The following ADGRL3 variants were observed in gnomAD, a reference collection of about 807,000 sequenced individuals.
ADGRL3 encodes the protein calcium-independent alpha-latrotoxin receptor 3.
Under a neutral mutation model 153.5 loss-of-function variants are expected in ADGRL3, and 62 were observed. The observed-to-expected ratio is 0.40, with a 90% CI of 0.33 to 0.50. The LOEUF is 0.50. Ranked by LOEUF, ADGRL3 falls within the 20% of genes least tolerant of loss-of-function variation. The pLI, the probability that ADGRL3 is intolerant of heterozygous loss-of-function variation, is 0.47. For synonymous variants in ADGRL3, 710 were observed against 672.5 expected (o/e 1.06, Z -0.86); for missense variants, 1,641 against 1,859.4 (o/e 0.88, Z 2.16).
chr4:61,719,542 A>G (rs920905401), intron 6 of ADGRL3, among the ~76,000 whole-genome samples: 1 of 151,720 alleles, frequency 6.6e-6, no homozygotes, highest in Non-Finnish European at 1.5e-5. Context: ...TTTTATGTGT[A>G]CCACTTTCTT....
chr4:61,665,427 A>G (rs2094757341), intron 5 of ADGRL3, among the ~76,000 whole-genome samples: 1 of 152,062 alleles, frequency 6.6e-6, no homozygotes, highest in Non-Finnish European at 1.5e-5. Context: ...AAACGAAAAC[A>G]AAAACAAACA....
intron 2 of ADGRL3, among the ~76,000 whole-genome samples, chr4:61,485,145 T>A (rs758492185): frequency 1.8e-4 from 28 of 152,156 alleles, no homozygotes; most frequent in Non-Finnish European, 3.8e-4. Context: ...GAAAGGTGCT[T>A]AATTTGAGAC....
At chr4:61,845,375 G>C (rs1297629386) in intron 9 of ADGRL3, among the ~76,000 whole-genome samples, 1 of 150,862 alleles carries the variant, frequency 6.6e-6, no homozygotes, top group Non-Finnish European at 1.5e-5. Flanking sequence ...TTTGAGACAG[G>C]ACCTTGCTCT....
intron 3 of ADGRL3, among the ~76,000 whole-genome samples, chr4:61,502,483 TG>T (rs2098397390): frequency 1.3e-5 from 1 of 76,888 alleles, no homozygotes; most frequent in Admixed American, 1.1e-4. Flanking sequence ...AGCTTATACA[TG>T]TTTTTTTTTT....
intron 8 of ADGRL3, among the ~76,000 whole-genome samples, chr4:61,802,123 G>A (rs1451370891): frequency 1.3e-5 from 2 of 152,144 alleles, no homozygotes; most frequent in Non-Finnish European, 2.9e-5. Context: ...TGAATTATAT[G>A]TGGCTGAATT....
intron 1 of ADGRL3, among the ~76,000 whole-genome samples, chr4:61,270,385 A>G (rs539216131): frequency 8.5e-4 from 129 of 151,744 alleles, no homozygotes; most frequent in Non-Finnish European, 1.4e-3. Context: ...ATTTCAGAGA[A>G]TTTTACTTGT....
In ADGRL3 at chr4:61,811,430, G is replaced by A. The variant is rs535842444; in HGVS notation, c.1400-2379G>A. On this transcript the variant is annotated intron_variant, in intron 8 of 26. Coordinates refer to ENST00000683033, the MANE Select transcript of ADGRL3 (RefSeq NM_001387552.1). ...TCATTTATAGGAAAAGTCCAGAATA[G>A]GCAAATCTACAGAAACAGAAGGTAG... Among the ~76,000 whole-genome samples, 259 of 151,980 alleles carry A rather than the reference G, an allele frequency of 1.7e-3. 1 individual carries two copies. Among genetic ancestry groups the A allele is most frequent in the Non-Finnish European group, 3.2e-3 (214 of 67,930 alleles).
chr4:61,510,187 T>C (rs1258568796), intron 3 of ADGRL3, among the ~76,000 whole-genome samples: 1 of 152,212 alleles, frequency 6.6e-6, no homozygotes, highest in East Asian at 1.9e-4. Context: ...AGTTTGCAAA[T>C]ATTTTCTCTC....
In ADGRL3 at chr4:61,736,408, C is replaced by A. The variant is rs150477949; in HGVS notation, c.1399+2854C>A. ...GTGGCTCTTGCCTGTAATCCCAGCA[C>A]TTTGGGAGGGCAAGGCGGGCATATC... On this transcript the variant is annotated intron_variant, in intron 8 of 26. Coordinates refer to ENST00000683033, the MANE Select transcript of ADGRL3 (RefSeq NM_001387552.1). Among the ~76,000 whole-genome samples, 463 of 152,250 alleles carry A rather than the reference C, an allele frequency of 3.0e-3. 2 individuals carry two copies. The highest frequency in any genetic ancestry group is 0.011 in the African/African-American group (447 of 41,544).
chr4:61,431,973 G>C (rs1197291338), intron 2 of ADGRL3, among the ~76,000 whole-genome samples: 1 of 152,100 alleles, frequency 6.6e-6, no homozygotes, highest in East Asian at 1.9e-4. Context: ...ATTGTGTTCA[G>C]CAAAGAGTAA....
At chr4:61,475,406 G>A (rs771346835) in intron 2 of ADGRL3, among the ~76,000 whole-genome samples, 3 of 152,006 alleles carry the variant, frequency 2.0e-5, no homozygotes, top group Non-Finnish European at 2.9e-5. Flanking sequence ...AGATTTATGG[G>A]GTTTTTTTCC....
At chr4:61,448,710 A>G (rs369055428) in intron 2 of ADGRL3, among the ~76,000 whole-genome samples, 2 of 20,554 alleles carry the variant, frequency 9.7e-5, no homozygotes, top group South Asian at 4.6e-3. Context: ...GAAGGAAAGA[A>G]AGAAGGAAGG....
intron 1 of ADGRL3, among the ~76,000 whole-genome samples, chr4:61,340,337 T>A (rs2095782330): frequency 6.6e-6 from 1 of 152,188 alleles, no homozygotes; most frequent in African/African-American, 2.4e-5. Flanking sequence ...TGCTTCCACA[T>A]CTTCCATGCT....
intron 8 of ADGRL3, among the ~76,000 whole-genome samples, chr4:61,801,982 T>C (rs2097503278): frequency 6.6e-6 from 1 of 152,142 alleles, no homozygotes; most frequent in South Asian, 2.1e-4. Flanking sequence ...ATCTGAAATG[T>C]CCAAGTTGTC....
chr4:62,039,784 G>A (rs1222619152), intron 24 of ADGRL3, among the ~76,000 whole-genome samples: 2 of 151,860 alleles, frequency 1.3e-5, no homozygotes, highest in Non-Finnish European at 2.9e-5. Flanking sequence ...CTTTTTCCAC[G>A]ACTTTTCAAT....
intron 8 of ADGRL3, among the ~76,000 whole-genome samples, chr4:61,804,497 G>A (rs569078514): frequency 2.6e-4 from 40 of 152,210 alleles, no homozygotes; most frequent in African/African-American, 9.1e-4. Context: ...CTCCTCCTCT[G>A]ATTCTTCATC....
intron 5 of ADGRL3, among the ~76,000 whole-genome samples, chr4:61,616,707 G>C (rs2092042778): frequency 6.6e-6 from 1 of 152,128 alleles, no homozygotes; most frequent in African/African-American, 2.4e-5. Flanking sequence ...GTGACTTTCA[G>C]TTCTATTCCT....
chr4:61,802,238 T>C (rs1041268324), intron 8 of ADGRL3, among the ~76,000 whole-genome samples: 1 of 152,038 alleles, frequency 6.6e-6, no homozygotes, highest in Non-Finnish European at 1.5e-5. Flanking sequence ...ATATGCACTT[T>C]TGCACACACA....
intron 21 of ADGRL3, among the ~76,000 whole-genome samples, chr4:62,016,148 A>C (rs557229763): frequency 5.3e-5 from 8 of 151,992 alleles, no homozygotes; most frequent in African/African-American, 1.7e-4. Flanking sequence ...TCTCAGGTTC[A>C]AGCGATTCTC....
Sources: gnomAD v4.1 joint callset for allele counts (sites outside exome capture counted in the v4.1 genomes callset) on GRCh38, gnomAD v4.1.1 for gene constraint, MANE v1.5 for transcripts, NCBI Gene and HGNC (gene_info 2026-07-23, HGNC 2026-07-21) for gene names.